BRINP3: variants seen among roughly 807,000 people sequenced by gnomAD.
BRINP3 encodes the protein BMP/retinoic acid-inducible neural-specific protein 3.
BRINP3 carries 19 observed loss-of-function variants against 71.0 expected under a neutral mutation model. That is an observed-to-expected ratio of 0.27 (90% CI 0.19 to 0.39). BRINP3 has a LOEUF of 0.39. Ranked by LOEUF, BRINP3 falls within the 10% of genes least tolerant of loss-of-function variation. The probability of loss-of-function intolerance (pLI) is 1.00; values close to 1 mark genes in which losing one functional copy is unlikely to be tolerated. For synonymous variants in BRINP3, 380 were observed against 337.7 expected, an observed-to-expected ratio of 1.13 and a Z score of -1.37; for missense variants, 959 against 940.8, an observed-to-expected ratio of 1.02 and a Z score of -0.25.
At chr1:190,275,326 T>C (rs902511995) in intron 3 of BRINP3, among the ~76,000 whole-genome samples, 1 of 151,610 alleles carries the variant, frequency 6.6e-6, no homozygotes, top group African/African-American at 2.4e-5. Flanking sequence ...GAACAGTTGA[T>C]TATACCTTAA....
chr1:190,267,644 G>A (rs1001896018), intron 3 of BRINP3, among the ~76,000 whole-genome samples: 4 of 151,930 alleles, frequency 2.6e-5, no homozygotes, highest in African/African-American at 7.2e-5. Flanking sequence ...GCTTCTTTCA[G>A]GAGAAAAAAC....
intron 2 of BRINP3, among the ~76,000 whole-genome samples, chr1:190,308,341 A>G (rs1665264695): frequency 6.6e-6 from 1 of 151,906 alleles, no homozygotes. Flanking sequence ...AGTGTAAAAG[A>G]GTAATGATTG....
At chr1:190,249,966 T>C (rs1659984930) in intron 4 of BRINP3, among the ~76,000 whole-genome samples, 1 of 151,940 alleles carries the variant, frequency 6.6e-6, no homozygotes, top group African/African-American at 2.4e-5. Flanking sequence ...GAAAATACAA[T>C]TAAGGTCAAC....
chr1:190,267,341 T>G (rs1661744467), intron 3 of BRINP3, among the ~76,000 whole-genome samples: 1 of 151,986 alleles, frequency 6.6e-6, no homozygotes, highest in African/African-American at 2.4e-5. Context: ...AACAGAAAAT[T>G]TAAAAAGATA....
chr1:190,298,493 A>T (rs145709727), intron 2 of BRINP3, among the ~76,000 whole-genome samples: 1 of 151,974 alleles, frequency 6.6e-6, no homozygotes, highest in African/African-American at 2.4e-5. Flanking sequence ...AGCACTGCTT[A>T]AATCATGTTC....
chr1:190,414,380 C>A (rs1298027585), intron 2 of BRINP3, among the ~76,000 whole-genome samples: 2 of 151,550 alleles, frequency 1.3e-5, no homozygotes, highest in African/African-American at 2.4e-5. Context: ...CATTTGCCTG[C>A]TAATGTAAGA....
chr1:190,268,808 C>G (rs1329298208), intron 3 of BRINP3, among the ~76,000 whole-genome samples: 2 of 151,964 alleles, frequency 1.3e-5, no homozygotes, highest in Non-Finnish European at 2.9e-5. Flanking sequence ...ATTTAAACAG[C>G]ACAAAAAATG....
At chr1:190,388,571 T>C (rs928448739) in intron 2 of BRINP3, among the ~76,000 whole-genome samples, 3 of 151,784 alleles carry the variant, frequency 2.0e-5, no homozygotes, top group African/African-American at 7.3e-5. Flanking sequence ...GGCAACCTTC[T>C]AAAGCTGTGA....
chr1:190,357,166 T>A (rs920675886), intron 2 of BRINP3, among the ~76,000 whole-genome samples: 3 of 152,016 alleles, frequency 2.0e-5, no homozygotes, highest in Non-Finnish European at 4.4e-5. Flanking sequence ...AATGTAACTA[T>A]AAGTTTTTTC....
intron 5 of BRINP3, among the ~76,000 whole-genome samples, chr1:190,229,537 G>A (rs965698386): frequency 6.6e-6 from 1 of 151,674 alleles, no homozygotes; most frequent in Non-Finnish European, 1.5e-5. Context: ...GTTCTGCCCA[G>A]AACAAAGTAC....
intron 1 of BRINP3, among the ~76,000 whole-genome samples, chr1:190,465,327 G>C (rs1676668571): frequency 1.3e-5 from 2 of 151,866 alleles, no homozygotes; most frequent in Non-Finnish European, 2.9e-5. Context: ...AAAGTATAGG[G>C]AACGCTTTGA....
At chr1:190,408,028 T>TTC (rs1672404007) in intron 2 of BRINP3, among the ~76,000 whole-genome samples, 1 of 137,142 alleles carries the variant, frequency 7.3e-6, no homozygotes, top group Non-Finnish European at 1.6e-5. Flanking sequence ...TCTTTTTTTT[T>TTC]TTTTTTTTTT....
chr1:190,426,349 T>G (rs944406082), intron 2 of BRINP3, among the ~76,000 whole-genome samples: 1 of 151,834 alleles, frequency 6.6e-6, no homozygotes. Context: ...CTACACTGCA[T>G]GTACTACGCC....
At chr1:190,377,585 T>C (rs968259961) in intron 2 of BRINP3, among the ~76,000 whole-genome samples, 9 of 148,536 alleles carry the variant, frequency 6.1e-5, no homozygotes, top group Middle Eastern at 3.6e-3. Context: ...TTGCTATTTA[T>C]ATATATACAT....
intron 3 of BRINP3, among the ~76,000 whole-genome samples, chr1:190,277,087 T>A (rs866852079): frequency 2.2e-4 from 8 of 36,028 alleles, no homozygotes; most frequent in Admixed American, 5.1e-4. Context: ...AATTTTGGTT[T>A]TATATATATA....
intron 2 of BRINP3, among the ~76,000 whole-genome samples, chr1:190,351,325 C>G (rs2102049110): frequency 6.6e-6 from 1 of 152,162 alleles, no homozygotes; most frequent in African/African-American, 2.4e-5. Flanking sequence ...AGATTGCTAA[C>G]ATATGCAAAA....
chr1:190,341,286 G>C (rs1224146774), intron 2 of BRINP3, among the ~76,000 whole-genome samples: 1 of 151,798 alleles, frequency 6.6e-6, no homozygotes, highest in Non-Finnish European at 1.5e-5. Flanking sequence ...TTAAAATGTA[G>C]TAGGACAAAT....
intron 2 of BRINP3, among the ~76,000 whole-genome samples, chr1:190,298,349 AT>A (rs1478223682): frequency 6.6e-6 from 1 of 150,650 alleles, no homozygotes; most frequent in African/African-American, 2.4e-5. Flanking sequence ...GATTTTTGCT[AT>A]TATCTTTATG....
intron 2 of BRINP3, among the ~76,000 whole-genome samples, chr1:190,370,247 C>T (rs557429148): frequency 6.6e-6 from 1 of 152,024 alleles, no homozygotes; most frequent in Admixed American, 6.6e-5. Flanking sequence ...CATTGTTAAC[C>T]TAATCAAGAA....
Sources: allele counts gnomAD v4.1 joint callset (sites outside exome capture counted in the v4.1 genomes callset), GRCh38; gene constraint gnomAD v4.1.1; transcripts MANE v1.5; gene names NCBI Gene and HGNC (gene_info 2026-07-23, HGNC 2026-07-21).